Variants in ZNF221 observed in about 807,000 individuals in gnomAD.
The protein encoded by ZNF221 is zinc finger protein 221.
Under a neutral mutation model 12.6 loss-of-function variants are expected in ZNF221, and 10 were observed. The observed-to-expected ratio is 0.79, with a 90% CI of 0.49 to 1.34. The LOEUF is 1.34. ZNF221 is among the 40% of genes most tolerant of loss of function. The pLI, the probability that ZNF221 is intolerant of heterozygous loss-of-function variation, is 0.00. For synonymous variants in ZNF221, 232 were observed against 244.0 expected (o/e 0.95, Z 0.46); for missense variants, 661 against 721.4 (o/e 0.92, Z 0.96).
chr19:43,959,503 T>C (rs1974809865), intron 1 of ZNF221, among the ~76,000 whole-genome samples: 1 of 152,190 alleles, frequency 6.6e-6, no homozygotes, highest in Non-Finnish European at 1.5e-5. Flanking sequence ...TGTTGGATCC[T>C]GGGGGTGGGT....
the ZNF221 span, chr19:43,978,309 A>G: frequency 1.3e-5 from 2 of 152,174 alleles, no homozygotes; most frequent in African/African-American, 4.8e-5. Flanking sequence ...CAGTGTTGCA[A>G]ACAGCTCTTT....
At chr19:43,979,879 T>C in the ZNF221 span, among the ~76,000 whole-genome samples, 3 of 152,216 alleles carry the variant, frequency 2.0e-5, no homozygotes, top group Admixed American at 6.5e-5. Context: ...AAAGGCACTA[T>C]TGACTTTATT....
intron 1 of ZNF221, among the ~76,000 whole-genome samples, chr19:43,953,435 G>C (rs1273218687): frequency 7.2e-5 from 11 of 152,096 alleles, no homozygotes; most frequent in Non-Finnish European, 1.5e-5. Context: ...TCAGAATCCA[G>C]TCCTCTTGGT....
chr19:43,955,735 T>C (rs1465878056), intron 1 of ZNF221, among the ~76,000 whole-genome samples: 3 of 152,224 alleles, frequency 2.0e-5, no homozygotes, highest in Non-Finnish European at 2.9e-5. Context: ...TGAGCTGATA[T>C]GTTTTTACCT....
At chr19:43,953,257 C>CTT (rs60450738) in intron 1 of ZNF221, among the ~76,000 whole-genome samples, 3 of 142,286 alleles carry the variant, frequency 2.1e-5, no homozygotes, top group Non-Finnish European at 3.1e-5. Flanking sequence ...AGTCATTAAG[C>CTT]TTTTTTTTTT....
At chr19:43,976,805 T>A in the ZNF221 span, 1 of 152,220 alleles carries the variant, frequency 6.6e-6, no homozygotes, top group Non-Finnish European at 1.5e-5. Flanking sequence ...ATACTCTTCT[T>A]TATTGTTGGC....
chr19:43,961,816 A>T (rs407806), intron 1 of ZNF221: 143,896 of 152,228 alleles, frequency 0.95, 68,517 homozygotes, highest in East Asian at 1. Flanking sequence ...TATGTATTTC[A>T]TGTTTAGGTT....
chr19:43,964,821 G>C, intron 2 of ZNF221, 129 bp from the exon 3 acceptor site: 1 of 1,238,694 alleles, frequency 8.1e-7, no homozygotes, highest in South Asian at 1.4e-5. Flanking sequence ...TGGGAAATCT[G>C]TATGTTGACC....
the ZNF221 span, among the ~76,000 whole-genome samples, chr19:43,981,368 A>T: frequency 2.6e-5 from 4 of 152,196 alleles, no homozygotes; most frequent in African/African-American, 9.7e-5. Flanking sequence ...AATTAAGGCA[A>T]CTTGACAATA....
chr19:43,970,672 T>G (rs1975078426), downstream of ZNF221, among the ~76,000 whole-genome samples: 1 of 152,038 alleles, frequency 6.6e-6, no homozygotes, highest in African/African-American at 2.4e-5. Flanking sequence ...ACTCAGAGCT[T>G]GAAGACTATC....
chr19:43,978,244 T>C, the ZNF221 span: 1 of 152,118 alleles, frequency 6.6e-6, no homozygotes, highest in African/African-American at 2.4e-5. Flanking sequence ...TCCTACCCAT[T>C]ATGGAAAGGT....
In ZNF221 at chr19:43,966,730, T is replaced by C; in HGVS notation, c.1228T>C (p.Leu410=). ...GACCTTCAGATGGTCCTCATGTCTT[T>C]TGAACCATCAGCAAGTCCACAGTGG... ...GKTFRWSSCL[L]NHQQVHSGQK... is the part of the protein sequence containing the mutation. Residue 410 remains leucine (L), a synonymous_variant, in exon 5 of 5, where the codon TTG becomes CTG. Transcript: ENST00000587682. 1 of 1,614,244 alleles carries C rather than the reference T, an allele frequency of 6.2e-7. No homozygotes were observed. The highest frequency in any genetic ancestry group is 2.2e-5 in the East Asian group (1 of 44,886).
At chr19:43,980,321 A>G in the ZNF221 span, among the ~76,000 whole-genome samples, 9 of 152,298 alleles carry the variant, frequency 5.9e-5, no homozygotes, top group South Asian at 2.1e-4. Context: ...CATCTCCCAA[A>G]TCAATTCTAA....
In ZNF221 at chr19:43,966,161, A is replaced by G; in HGVS notation, c.659A>G (p.His220Arg). 6.2e-7 allele frequency: 1 copy of G among 1,614,238 alleles called. No homozygotes were observed. The highest frequency in any genetic ancestry group is 8.5e-7 in the Non-Finnish European group (1 of 1,180,046). Residue 220 changes from histidine (H) to arginine (R), a missense_variant, in exon 5 of 5, where the codon CAT (histidine) becomes CGT (arginine). By Grantham distance (29) the His-to-Arg change is conservative (BLOSUM62 0). Transcript: ENST00000587682. Reference sequence around the variant, plus strand: ...GCCCTTCATATTCATCAGAGAGTCCATATGGGAGAAAAATGCTATAAGTGT... The same window carrying G: ...GCCCTTCATATTCATCAGAGAGTCCGTATGGGAGAAAAATGCTATAAGTGT... ...SPALHIHQRVHMGEKCYKCDV... is the reference protein window; with the variant it reads ...SPALHIHQRVRMGEKCYKCDV...
chr19:43,978,934 T>TGTGTGTG, the ZNF221 span, among the ~76,000 whole-genome samples: 2 of 107,328 alleles, frequency 1.9e-5, no homozygotes, highest in African/African-American at 3.8e-5. Flanking sequence ...TGTGTGTGTG[T>TGTGTGTG]TTTTTTTTTT....
At chr19:43,961,628 T>C (rs1442415907) in intron 1 of ZNF221, among the ~76,000 whole-genome samples, 1 of 152,256 alleles carries the variant, frequency 6.6e-6, no homozygotes, top group African/African-American at 2.4e-5. Context: ...TTTAAAGTTC[T>C]TGTAACTGTT....
chr19:43,951,591 G>A (rs1974671190), intron 1 of ZNF221, among the ~76,000 whole-genome samples, 191 bp downstream of exon 1: 1 of 152,132 alleles, frequency 6.6e-6, no homozygotes, highest in Admixed American at 6.5e-5. Context: ...GTACAACGTT[G>A]GGGTGTTACT....
rs777083654 is a variant in ZNF221 at position 43,966,079 on chromosome 19, T to G, written c.577T>G (p.Ser193Ala). The G allele has an allele frequency of 5.0e-6, 8 of 1,614,228 alleles. No individual in the cohort carries two copies. In the South Asian group the frequency reaches 7.7e-5, roughly 16 times the overall value. ...SVFDLHQQSH[S>A]GEKSHTCGEC... ...CTTTGATCTTCATCAACAATCACAC[T>G]CAGGAGAGAAATCTCATACATGTGG... Residue 193 changes from serine to alanine, a missense_variant, in exon 5 of 5, where the codon TCA becomes GCA. Transcript: ENST00000587682.
rs1974997982 is a variant in ZNF221, at chr19:43,967,431, A to G, written c.*75A>G. On this transcript the variant is annotated 3_prime_UTR_variant, in exon 5 of 5. Transcript: ENST00000587682. Reference sequence around the variant, plus strand: ...CATCAATTCTCCACAGCAGAGAAAAACCATTCAAATATGAGAACTGTGGGA... The same window carrying G: ...CATCAATTCTCCACAGCAGAGAAAAGCCATTCAAATATGAGAACTGTGGGA... The G allele has an allele frequency of 8.6e-7, 1 of 1,157,300 alleles. No individual in the cohort carries two copies. The highest frequency in any genetic ancestry group is 2.2e-5 in the Admixed American group (1 of 45,078). The allele number at this position is 1,157,300 out of a possible 1,614,324, so 71.7% of individuals were successfully genotyped here.
Sources: gnomAD v4.1 joint callset for allele counts (sites outside exome capture counted in the v4.1 genomes callset) on GRCh38, gnomAD v4.1.1 for gene constraint, MANE v1.5 for transcripts, NCBI Gene and HGNC (gene_info 2026-07-23, HGNC 2026-07-21) for gene names.